The following EBF2 variants were observed in gnomAD, a reference collection of about 807,000 sequenced individuals.
EBF2 encodes EBF transcription factor 2.
A neutral mutation model predicts 72.8 loss-of-function variants in EBF2; 21 were observed. The ratio of observed to expected loss-of-function variants is 0.29; its 90% CI spans 0.20 to 0.42. The LOEUF (loss-of-function observed/expected upper bound fraction) is 0.42, where lower values mean the gene tolerates loss of function less well. Among genes scored for constraint, EBF2 ranks in the 10% least tolerant of loss-of-function variants. The pLI is 1.00. For synonymous variants in EBF2, 299 were observed against 274.2 expected, an observed-to-expected ratio of 1.09 and a Z score of -0.89; for missense variants, 637 against 731.2, an observed-to-expected ratio of 0.87 and a Z score of 1.49.
At chr8:25,983,115 T>A (rs1804389919) in intron 6 of EBF2, among the ~76,000 whole-genome samples, 1 of 152,096 alleles carries the variant, frequency 6.6e-6, no homozygotes, top group African/African-American at 2.4e-5. Flanking sequence ...AATCACAGCA[T>A]TTTTACAAGT....
At chr8:26,040,759 A>G (rs973337073) in intron 3 of EBF2, 88 bp from the exon 4 acceptor site, 4 of 1,509,588 alleles carry the variant, frequency 2.6e-6, no homozygotes, top group Non-Finnish European at 3.6e-6. Context: ...CTGAGGCCCA[A>G]GCAGCCTCTC....
chr8:25,862,639 C>A (rs960205230), intron 11 of EBF2, 70 bp downstream of exon 11: 13 of 1,287,514 alleles, frequency 1.0e-5, no homozygotes, highest in Non-Finnish European at 1.4e-5. Context: ...GATGTAAATG[C>A]CTGCATTTGT....
chr8:25,965,296 C>T (rs1028593123), intron 6 of EBF2, among the ~76,000 whole-genome samples: 1 of 152,084 alleles, frequency 6.6e-6, no homozygotes, highest in Non-Finnish European at 1.5e-5. Context: ...CAGTCTATAA[C>T]GATTTTGTGT....
chr8:25,881,044 C>G (rs1236256603), intron 10 of EBF2, among the ~76,000 whole-genome samples: 1 of 152,158 alleles, frequency 6.6e-6, no homozygotes, highest in Admixed American at 6.5e-5. Context: ...TTCTGCCTGT[C>G]CCCACCACCA....
intron 6 of EBF2, among the ~76,000 whole-genome samples, chr8:26,022,199 G>T (rs1805213128): frequency 6.6e-6 from 1 of 152,156 alleles, no homozygotes; most frequent in Non-Finnish European, 1.5e-5. Context: ...TGTTCTGGGA[G>T]CTGGATACCT....
intron 6 of EBF2, among the ~76,000 whole-genome samples, chr8:26,014,700 A>G (rs1805079678): frequency 6.6e-6 from 1 of 152,210 alleles, no homozygotes; most frequent in Admixed American, 6.5e-5. Context: ...CACCTTGTAC[A>G]CCTTATTTAT....
intron 10 of EBF2, among the ~76,000 whole-genome samples, chr8:25,878,985 C>G (rs1802565286): frequency 6.6e-6 from 1 of 152,062 alleles, no homozygotes; most frequent in South Asian, 2.1e-4. Context: ...TTGTGCCATA[C>G]TTTATTCTTT....
intron 6 of EBF2, among the ~76,000 whole-genome samples, chr8:25,982,664 C>A (rs1585215695): frequency 2.0e-5 from 3 of 152,158 alleles, no homozygotes; most frequent in Admixed American, 2.0e-4. Flanking sequence ...GGCCCCTAAC[C>A]TTTTAAGAAT....
chr8:25,957,857 C>G (rs1585207938), intron 6 of EBF2, among the ~76,000 whole-genome samples: 2 of 152,170 alleles, frequency 1.3e-5, no homozygotes, highest in Admixed American at 1.3e-4. Context: ...CCAATTTCAG[C>G]CTGTTAGTTA....
chr8:26,035,736 G>A (rs1474973493), intron 5 of EBF2, among the ~76,000 whole-genome samples: 4 of 152,142 alleles, frequency 2.6e-5, no homozygotes, highest in Admixed American at 6.5e-5. Context: ...GTTTGCCACT[G>A]GGACTTTCTG....
intron 6 of EBF2, among the ~76,000 whole-genome samples, chr8:25,948,551 A>G (rs1803808755): frequency 1.3e-5 from 2 of 152,240 alleles, no homozygotes; most frequent in South Asian, 4.1e-4. Context: ...TGCGACATTT[A>G]TAACTACATT....
In EBF2 at chr8:26,044,403, G is replaced by A. The variant is rs976113195; in HGVS notation, c.131+326C>T. 6.6e-6 allele frequency among the ~76,000 whole-genome samples: 1 copy of A among 152,262 alleles called. No homozygotes were observed. Among genetic ancestry groups the A allele is most frequent in the Non-Finnish European group, 1.5e-5 (1 of 68,050 alleles). On this transcript the variant is annotated intron_variant, in intron 1 of 15. Coordinates refer to ENST00000520164, the MANE Select transcript of EBF2 (RefSeq NM_022659.4). This position sits in a 1 kb window ranked among gnomAD's most constrained non-coding sequence, Gnocchi z 4.1. ...TTCACGCTCCGTTCGGGGCCAGGCC[G>A]GCTCGGCTTGCAGGACTAGGGGCTG...
chr8:25,852,390 AGGAGGCCCT>A, intron 14 of EBF2, among the ~76,000 whole-genome samples: 1 of 152,310 alleles, frequency 6.6e-6, no homozygotes, highest in Non-Finnish European at 1.5e-5. Context: ...GCTGGGACTT[AGGAGGCCCT>A]GATTCTACCA....
intron 14 of EBF2, among the ~76,000 whole-genome samples, chr8:25,853,604 T>G (rs1462944414): frequency 6.6e-6 from 1 of 152,154 alleles, no homozygotes; most frequent in Non-Finnish European, 1.5e-5. Context: ...TATTTTAAAA[T>G]GTGTACATCC....
intron 6 of EBF2, among the ~76,000 whole-genome samples, chr8:26,030,226 T>C (rs938534697): frequency 6.6e-6 from 1 of 152,216 alleles, no homozygotes; most frequent in African/African-American, 2.4e-5. Context: ...AGAGAACTCT[T>C]ATCTTAAAAC....
At chr8:25,884,198 A>G (rs948362534) in intron 10 of EBF2, among the ~76,000 whole-genome samples, 14 of 151,892 alleles carry the variant, frequency 9.2e-5, no homozygotes, top group African/African-American at 3.4e-4. Flanking sequence ...CTCTTCCCCA[A>G]CAGCACCAGG....
At chr8:25,849,893 T>C (rs1326334488) in intron 15 of EBF2, among the ~76,000 whole-genome samples, 1 of 151,950 alleles carries the variant, frequency 6.6e-6, no homozygotes. Flanking sequence ...CTCCTGTCCA[T>C]GTATGCCAAG....
intron 6 of EBF2, among the ~76,000 whole-genome samples, chr8:26,027,720 T>C (rs1041196436): frequency 1.3e-5 from 2 of 152,030 alleles, no homozygotes; most frequent in Non-Finnish European, 2.9e-5. Flanking sequence ...AAGCAACCCA[T>C]TGCCAGACGA....
intron 6 of EBF2, among the ~76,000 whole-genome samples, chr8:25,927,550 C>T (rs1342700251): frequency 1.3e-5 from 2 of 151,946 alleles, no homozygotes; most frequent in South Asian, 2.1e-4. Flanking sequence ...CACAAAAGAA[C>T]GTAAAACCAC....
Sources: gnomAD v4.1 joint callset for allele counts (sites outside exome capture counted in the v4.1 genomes callset) on GRCh38, gnomAD v4.1.1 for gene constraint, Gnocchi (gnomAD v3.1) non-coding constraint, MANE v1.5 for transcripts, NCBI Gene and HGNC (gene_info 2026-07-23, HGNC 2026-07-21) for gene names.